The following FOXR1 variants were observed in gnomAD, a reference collection of about 807,000 sequenced individuals.
FOXR1 encodes the protein forkhead box protein R1.
In FOXR1, 25 loss-of-function variants were observed where a neutral mutation model predicts 34.5. The ratio of observed to expected loss-of-function variants is 0.72; its 90% CI spans 0.53 to 1.01. FOXR1 has a LOEUF of 1.01. Among genes scored for constraint, FOXR1 ranks in the 50% least tolerant of loss-of-function variants. FOXR1 has a pLI of 0.00. For missense variants in FOXR1, 373 were observed against 376.2 expected (o/e 0.99, Z 0.07); for synonymous variants, 153 against 141.6 (o/e 1.08, Z -0.57).
rs201080665 is a variant in FOXR1, at chr11:118,980,748, G to T, written c.850+20G>T. 6.2e-7 allele frequency: 1 copy of T among 1,600,312 alleles called. No individual in the cohort carries two copies. Among genetic ancestry groups the T allele is most frequent in the Non-Finnish European group, 8.5e-7 (1 of 1,174,288 alleles). On this transcript the variant is annotated intron_variant, in intron 5 of 5. Transcript: ENST00000317011. ...AGCCAGGTGTGAAGACTTGTTGTGC[G>T]TGGGCCCAAGGGGAAGAGACCTGAG...
intron 1 of FOXR1, among the ~76,000 whole-genome samples, chr11:118,977,395 G>A (rs1175164887): frequency 3.3e-5 from 5 of 152,050 alleles, no homozygotes; most frequent in Admixed American, 2.0e-4. Context: ...AGGGTAACTG[G>A]CATCTTAATA....
intron 2 of FOXR1, 26 bp downstream of exon 2, chr11:118,978,882 T>C: frequency 6.2e-7 from 1 of 1,614,190 alleles, no homozygotes; most frequent in South Asian, 1.1e-5. Flanking sequence ...TCTGACCTGT[T>C]TCTGTGGCCT....
intron 1 of FOXR1, among the ~76,000 whole-genome samples, chr11:118,977,346 G>A (rs1941791364): frequency 6.6e-6 from 1 of 152,066 alleles, no homozygotes; most frequent in Non-Finnish European, 1.5e-5. Context: ...TTTAATTTTT[G>A]TGCTATAATA....
rs1337323770 is a variant in FOXR1, at chr11:118,971,813, C to T, written c.-119C>T. On this transcript the variant is annotated 5_prime_UTR_variant, in exon 1 of 6. Transcript: ENST00000317011. ...GCTCCTCAGCCGCCGCGCTCCCACT[C>T]CGCGTCCCCACTCCGCGCCGCCGCG... The T allele has an allele frequency of 9.0e-7, 1 of 1,112,454 alleles. No individual in the cohort carries two copies. The highest frequency in any genetic ancestry group is 1.3e-5 in the South Asian group (1 of 74,884). The allele number at this position is 1,112,454 out of a possible 1,614,324, so 68.9% of individuals were successfully genotyped here. A position where few individuals can be genotyped will look rare whatever the true frequency, so the allele number is the denominator to read the frequency against.
At chr11:118,979,784 G>A in intron 4 of FOXR1, 116 bp downstream of exon 4, 1 of 906,456 alleles carries the variant, frequency 1.1e-6, no homozygotes, top group Middle Eastern at 2.5e-4. Context: ...CTGGGTCTGA[G>A]AGGACAAGTA....
intron 1 of FOXR1, among the ~76,000 whole-genome samples, chr11:118,977,607 C>T (rs76396044): frequency 0.035 from 5,317 of 152,144 alleles, 295 homozygotes; most frequent in African/African-American, 0.12. Flanking sequence ...TTTTTGAATA[C>T]TATGTTGAAT....
In FOXR1 at chr11:118,979,606, C is replaced by G; in HGVS notation, c.549C>G (p.Ala183=). ...RPPLNYFHLI[A]LALRNSSPCG... Reference sequence around the variant, plus strand: ...CTCTCAATTACTTCCACCTAATTGCCCTGGCATTAAGAAACAGTTCCCCCT... The same window carrying G: ...CTCTCAATTACTTCCACCTAATTGCGCTGGCATTAAGAAACAGTTCCCCCT... Residue 183 remains alanine (A), a synonymous_variant, in exon 4 of 6, where the codon GCC becomes GCG. Transcript: ENST00000317011. 1 of 1,612,644 alleles carries G rather than the reference C, an allele frequency of 6.2e-7. No homozygotes were observed. Among genetic ancestry groups the G allele is most frequent in the Non-Finnish European group, 8.5e-7 (1 of 1,179,404 alleles).
intron 1 of FOXR1, among the ~76,000 whole-genome samples, chr11:118,973,642 G>A (rs1421669863): frequency 3.3e-5 from 5 of 151,488 alleles, no homozygotes; most frequent in Non-Finnish European, 5.9e-5. Context: ...ATGATCCGCC[G>A]TCTCAGCCTC....
intron 1 of FOXR1, among the ~76,000 whole-genome samples, chr11:118,977,924 A>C (rs1414621214): frequency 1.3e-5 from 2 of 152,122 alleles, no homozygotes; most frequent in African/African-American, 4.8e-5. Context: ...TCTATACAAA[A>C]AATACAAAAA....
rs201368886 is a variant in FOXR1 at position 118,980,747 on chromosome 11, C to G, written c.850+19C>G. ...CAGCCAGGTGTGAAGACTTGTTGTG[C>G]GTGGGCCCAAGGGGAAGAGACCTGA... On this transcript the variant is annotated intron_variant, in intron 5 of 5. Coordinates refer to ENST00000317011, the MANE Select transcript of FOXR1 (RefSeq NM_181721.3). The G allele has an allele frequency of 1.2e-6, 2 of 1,600,598 alleles. No homozygotes were observed. The highest frequency in any genetic ancestry group is 2.2e-5 in the South Asian group (2 of 90,200).
rs1333192342 is a variant in FOXR1, at chr11:118,980,502, C to G, written c.624C>G (p.Pro208=). The G allele has an allele frequency of 3.1e-6, 5 of 1,614,214 alleles. No homozygotes were observed. The highest frequency in any genetic ancestry group is 4.2e-6 in the Non-Finnish European group (5 of 1,180,026). Reference sequence around the variant, plus strand: ...TCCCTGTCCATAGAAAGCACTTCCCCTTTTTCCGGACGGCCCCGGAAGGCT... The same window carrying G: ...TCCCTGTCCATAGAAAGCACTTCCCGTTTTTCCGGACGGCCCCGGAAGGCT... ...QIYSFTRKHF[P]FFRTAPEGWK... is the part of the protein sequence containing the mutation. The change falls in exon 5 of 6, where the codon CCC becomes CCG. Residue 208 remains proline, a synonymous_variant. Transcript: ENST00000317011.
At chr11:118,975,909 A>T (rs985794068) in intron 1 of FOXR1, among the ~76,000 whole-genome samples, 1 of 152,176 alleles carries the variant, frequency 6.6e-6, no homozygotes, top group African/African-American at 2.4e-5. Context: ...GGTTCCCTGG[A>T]TCATCTGTGG....
In FOXR1 at chr11:118,979,548, G is replaced by T. The variant is rs1220405899; in HGVS notation, c.491G>T (p.Ser164Ile). Residue 164 changes from serine to isoleucine, a missense_variant, in exon 4 of 6, where the codon AGC (serine) becomes ATC (isoleucine). By Grantham distance (142) the Ser-to-Ile change is moderately radical. Transcript: ENST00000317011. ...CAGAGTCGGAGGCTTCGGCAAGCCA[G>T]CAGCCAGGCGGGGAGGCTCTGGTCC... ...PLQSRRLRQA[S>I]SQAGRLWSRP... 2 of 1,613,538 alleles carry T rather than the reference G, an allele frequency of 1.2e-6. No homozygotes were observed. Among genetic ancestry groups the T allele is most frequent in the African/African-American group, 1.3e-5 (1 of 74,920 alleles).
intron 1 of FOXR1, among the ~76,000 whole-genome samples, chr11:118,977,648 T>C (rs1288621239): frequency 6.6e-6 from 1 of 152,200 alleles, no homozygotes. Context: ...CCTCTCTAAT[T>C]ACTGAGCTCT....
chr11:118,972,136 C>CT (rs200800830), intron 1 of FOXR1, 144 bp downstream of exon 1: 233,814 of 548,412 alleles, frequency 0.43, 69,084 homozygotes, highest in Admixed American at 0.6. Flanking sequence ...CGCGCCCCCC[C>CT]CCCCCGACGG....
In FOXR1 at chr11:118,978,875, G is replaced by A. The variant is rs1286754301; in HGVS notation, c.136+19G>A. 3.7e-6 allele frequency: 6 copies of A among 1,614,078 alleles called. No individual in the cohort carries two copies. The highest frequency in any genetic ancestry group is 1.7e-5 in the Admixed American group (1 of 59,992). ...AAGGATGGTACGTATTGAGTTCTCT[G>A]ACCTGTTTCTGTGGCCTGGGCTGGA... On this transcript the variant is annotated intron_variant, in intron 2 of 5. Coordinates refer to ENST00000317011, the MANE Select transcript of FOXR1 (RefSeq NM_181721.3).
At chr11:118,972,846 A>AC (rs1489609798) in intron 1 of FOXR1, among the ~76,000 whole-genome samples, 1 of 151,904 alleles carries the variant, frequency 6.6e-6, no homozygotes, top group East Asian at 1.9e-4. Flanking sequence ...TCGGCCTCCC[A>AC]AAAGTGCTGG....
At chr11:118,978,052 A>G (rs983262972) in intron 1 of FOXR1, among the ~76,000 whole-genome samples, 2 of 152,096 alleles carry the variant, frequency 1.3e-5, no homozygotes, top group African/African-American at 4.8e-5. Flanking sequence ...CCACGTCTCT[A>G]CTAAAAAATA....
chr11:118,979,667 C>T lies in FOXR1; in HGVS notation c.610C>T (p.Arg204Ter), dbSNP rs1341916544. 11 of 1,589,762 alleles carry T rather than the reference C, an allele frequency of 6.9e-6. No individual in the cohort carries two copies. Among genetic ancestry groups the T allele is most frequent in the East Asian group, 2.3e-5 (1 of 44,178 alleles). The change falls in exon 4 of 6, where the codon CGA becomes TGA. Residue 204 changes from arginine (R) to a stop codon, truncating the protein, a stop_gained and splice_region_variant. Transcript: ENST00000317011. LOFTEE classifies it high-confidence loss of function. ...CGTGCAACAGATCTACAGTTTCACTCGGTATGTGCCGGGGGCCCTGCGAGG... is the reference window on the plus strand; with the variant it reads ...CGTGCAACAGATCTACAGTTTCACTTGGTATGTGCCGGGGGCCCTGCGAGG... ...LNVQQIYSFT[R>*]KHFPFFRTAP...
Sources: allele counts gnomAD v4.1 joint callset (sites outside exome capture counted in the v4.1 genomes callset), GRCh38; gene constraint gnomAD v4.1.1; transcripts MANE v1.5; gene names NCBI Gene and HGNC (gene_info 2026-07-23, HGNC 2026-07-21).